The following MYH11 variants were observed in gnomAD, a reference collection of about 807,000 sequenced individuals.
MYH11 encodes the protein myosin heavy chain 11, also known as myosin-11.
Under a neutral mutation model 246.6 loss-of-function variants are expected in MYH11, and 80 were observed. That is an observed-to-expected ratio of 0.32 (90% CI 0.27 to 0.39). The LOEUF is 0.39. Ranked by LOEUF, MYH11 falls within the 10% of genes least tolerant of loss-of-function variation. The pLI, the probability that MYH11 is intolerant of heterozygous loss-of-function variation, is 1.00. For synonymous variants in MYH11, 1,071 were observed against 1,015.5 expected, an observed-to-expected ratio of 1.05 and a Z score of -1.04; for missense variants, 2,158 against 2,546.8, an observed-to-expected ratio of 0.85 and a Z score of 3.29.
intron 3 of MYH11, among the ~76,000 whole-genome samples, chr16:15,806,313 A>G (rs1358124477): frequency 7.7e-5 from 10 of 129,176 alleles, no homozygotes; most frequent in South Asian, 4.5e-4. Context: ...AAAAAAAAAA[A>G]AAGAAGCCAG....
chr16:15,775,089 T>C (rs974449825), intron 8 of MYH11, among the ~76,000 whole-genome samples: 2 of 152,224 alleles, frequency 1.3e-5, no homozygotes, highest in African/African-American at 4.8e-5. Flanking sequence ...ATTACTAACA[T>C]GTAGACTCTA....
chr16:15,719,070 G>C (rs545562248), intron 36 of MYH11, 150 bp downstream of exon 36: 3 of 756,560 alleles, frequency 4.0e-6, no homozygotes, highest in Admixed American at 4.0e-5. Flanking sequence ...GGAGGTTGCA[G>C]TGAGCCAAGA....
At chr16:15,772,143 G>A (rs887792091) in intron 8 of MYH11, among the ~76,000 whole-genome samples, 1 of 138,948 alleles carries the variant, frequency 7.2e-6, no homozygotes, top group African/African-American at 2.7e-5. Context: ...CCAGGCAGGA[G>A]TGCAGTGGCG....
At chr16:15,734,267 T>C (rs1036020315) in intron 26 of MYH11, among the ~76,000 whole-genome samples, 2 of 152,070 alleles carry the variant, frequency 1.3e-5, no homozygotes, top group Non-Finnish European at 2.9e-5. Flanking sequence ...TCAAGAATGT[T>C]AACTGGTGTG....
chr16:15,783,948 C>T (rs867724972), intron 5 of MYH11, among the ~76,000 whole-genome samples: 5 of 152,102 alleles, frequency 3.3e-5, no homozygotes, highest in Admixed American at 2.0e-4. Context: ...ATGATCTTTT[C>T]GGGAGCCAAG....
At chr16:15,815,776 A>G (rs1022663239) in intron 3 of MYH11, among the ~76,000 whole-genome samples, 2 of 152,140 alleles carry the variant, frequency 1.3e-5, no homozygotes, top group Non-Finnish European at 2.9e-5. Flanking sequence ...GAGAAGGAGG[A>G]AAAACAAAAA....
chr16:15,756,932 G>A (rs2041738926), intron 13 of MYH11, among the ~76,000 whole-genome samples: 1 of 151,274 alleles, frequency 6.6e-6, no homozygotes, highest in South Asian at 2.1e-4. Context: ...CCGAGTAGCT[G>A]GGACTACAGG....
At position 15,718,045 on chromosome 16, in the gene MYH11, C is replaced by A. The variant is rs1465396438; in HGVS notation, c.5295+270G>T. ...CGCAATGAAAGAGCATCCCAAGGCC[C>A]GGACTCCAGGGATGGCCGTGAGGTA... On this transcript the variant is annotated intron_variant, in intron 37 of 40. Transcript: ENST00000300036. 14 of 553,072 alleles carry A rather than the reference C, an allele frequency of 2.5e-5. 2 individuals are homozygous for A. The highest frequency in any genetic ancestry group is 2.3e-4 in the South Asian group (11 of 48,654). 34.3% of individuals were successfully genotyped at this position (553,072 alleles called of 1,614,324 possible). A position where few individuals can be genotyped will look rare whatever the true frequency, so the allele number is the denominator to read the frequency against.
rs761965886 is a variant in MYH11, at chr16:15,720,901, C to T, written c.4729G>A (p.Glu1577Lys). 5.0e-6 allele frequency: 8 copies of T among 1,613,904 alleles called. No individual in the cohort carries two copies. The highest frequency in any genetic ancestry group is 2.7e-5 in the African/African-American group (2 of 74,896). Residue 1577 changes from glutamate (E) to lysine (K), a missense_variant, in exon 33 of 41, where the codon GAA becomes AAA. Physicochemically the swap from Glu to Lys is moderately conservative, Grantham distance 56. Around this residue, in one of 11 missense-constraint regions of MYH11, gnomAD observed 1,013 missense variants for 993.5 expected, o/e 1.02. Transcript: ENST00000300036. ...VNMQALKGQF[E>K]RDLQARDEQN... ...TCGTCCCGGGCTTGGAGATCCCTTT[C>T]GAACTGGCCCTTGAGCGCCTGCATG...
rs1555569336 is a variant in MYH11 at position 15,788,077 on chromosome 16, C to CTTTTTTTTTT, written c.531-1355_531-1346dup. On this transcript the variant is annotated intron_variant, in intron 4 of 40. Transcript: ENST00000300036. ...GTCCTCCTGGAATATGAAGGTAGAT[C>CTTTTTTTTTT]TTTTTTTTTTTTTTTTTTACCAAGA... Among the ~76,000 whole-genome samples the CTTTTTTTTTT allele has an allele frequency of 8.7e-4, 48 of 55,358 alleles. 7 individuals carry two copies. Among genetic ancestry groups the CTTTTTTTTTT allele is most frequent in the African/African-American group, 2.0e-3 (33 of 16,178 alleles). The allele number at this position is 55,358 out of a possible 152,430, so 36.3% of individuals were successfully genotyped here.
At chr16:15,822,967 C>T (rs2043453783) in intron 3 of MYH11, among the ~76,000 whole-genome samples, 1 of 152,272 alleles carries the variant, frequency 6.6e-6, no homozygotes, top group Admixed American at 6.5e-5. Flanking sequence ...GTTCCCCACC[C>T]TCTTTCCATC....
intron 3 of MYH11, among the ~76,000 whole-genome samples, chr16:15,822,936 C>T (rs905310154): frequency 6.6e-6 from 1 of 152,238 alleles, no homozygotes; most frequent in Non-Finnish European, 1.5e-5. Flanking sequence ...ACACAGACCA[C>T]AATGGCTCAG....
At chr16:15,732,001 G>A (rs1227026708) in intron 27 of MYH11, among the ~76,000 whole-genome samples, 1 of 151,806 alleles carries the variant, frequency 6.6e-6, no homozygotes, top group Non-Finnish European at 1.5e-5. Flanking sequence ...CTGCTCTGTT[G>A]CTCAGGCTGG....
intron 9 of MYH11, among the ~76,000 whole-genome samples, chr16:15,770,549 T>C (rs35578059): frequency 0.026 from 3,967 of 152,268 alleles, 78 homozygotes; most frequent in East Asian, 0.13. Context: ...TCAATATCAA[T>C]TGATCACCAG....
In MYH11 at chr16:15,838,209, A is replaced by G. The variant is rs2043957542; in HGVS notation, c.44T>C (p.Phe15Ser). 10 of 1,614,142 alleles carry G rather than the reference A, an allele frequency of 6.2e-6. No individual in the cohort carries two copies. The highest frequency in any genetic ancestry group is 8.5e-6 in the Non-Finnish European group (10 of 1,180,020). The change falls in exon 2 of 41, where the codon TTT (phenylalanine) becomes TCT (serine). Residue 15 changes from phenylalanine to serine, a missense_variant. Phe to Ser is a radical substitution (Grantham distance 155). Coordinates refer to ENST00000300036, the MANE Select transcript of MYH11 (RefSeq NM_002474.3). ...GQLSDDEKFL[F>S]VDKNFINSPV... The stretch of plus-strand genomic sequence containing the variant: ...GCTGTTGATGAAGTTTTTGTCCACA[A>G]AGAGGAACTTCTCATCGTCACTGAG...
At chr16:15,758,490 C>T (rs998992249) in intron 12 of MYH11, among the ~76,000 whole-genome samples, 6 of 151,778 alleles carry the variant, frequency 4.0e-5, no homozygotes, top group African/African-American at 1.5e-4. Flanking sequence ...GCAAGCATAG[C>T]GAAACCTCTC....
intron 1 of MYH11, among the ~76,000 whole-genome samples, chr16:15,852,669 T>G (rs1007480329): frequency 1.3e-5 from 2 of 152,062 alleles, no homozygotes; most frequent in South Asian, 2.1e-4. Context: ...ATTTGCAATA[T>G]CTATTAATTT....
At position 15,724,751 on chromosome 16, in the gene MYH11, G is replaced by A. The variant is rs2040663609; in HGVS notation, c.4012C>T (p.Leu1338=). ...TRQKLNVSTK[L]RQLEEERNSL... ...TTCCGCTCCTCCTCCAGCTGGCGCA[G>A]CTTCGTAGACACGTTGAGCTTCTGC... is the stretch of plus-strand genomic sequence containing the variant. Residue 1338 remains leucine (L), a synonymous_variant, in exon 30 of 41, where the codon CTG becomes TTG. Coordinates refer to ENST00000300036, the MANE Select transcript of MYH11 (RefSeq NM_002474.3). 1.9e-6 allele frequency: 3 copies of A among 1,614,172 alleles called. No individual in the cohort carries two copies. The highest frequency in any genetic ancestry group is 2.5e-6 in the Non-Finnish European group (3 of 1,180,032).
rs754320940 is a variant in MYH11, at chr16:15,747,671, G to A, written c.2310C>T (p.Phe770=). 10 of 1,614,046 alleles carry A rather than the reference G, an allele frequency of 6.2e-6. No individual in the cohort carries two copies. The highest frequency in any genetic ancestry group is 8.5e-6 in the Non-Finnish European group (10 of 1,180,042). Residue 770 remains phenylalanine, a synonymous_variant, in exon 19 of 41, where the codon TTC becomes TTT. Transcript: ENST00000300036. ...LYRIGQSKIF[F]RTGVLAHLEE... The stretch of plus-strand genomic sequence containing the variant: ...CTAGGTGGGCCAGGACGCCAGTTCG[G>A]AAGAAGATTTTGCTCTGCCCTATCC...
Sources: gnomAD v4.1 joint callset for allele counts (sites outside exome capture counted in the v4.1 genomes callset) on GRCh38, gnomAD v4.1.1 for gene constraint, gnomAD v4.1.1 regional missense constraint, MANE v1.5 for transcripts, NCBI Gene and HGNC (gene_info 2026-07-23, HGNC 2026-07-21) for gene names.